The following MYBPC2 variants were observed in gnomAD, a reference collection of about 807,000 sequenced individuals.
MYBPC2 encodes the protein myosin-binding protein C, fast-type.
In MYBPC2, 122 loss-of-function variants were observed where a neutral mutation model predicts 137.0. That is an observed-to-expected ratio of 0.89 (90% CI 0.77 to 1.03). MYBPC2 has a LOEUF of 1.03. MYBPC2 is among the 50% of genes least tolerant of loss of function. MYBPC2 has a pLI of 0.00. For synonymous variants in MYBPC2, 626 were observed against 612.3 expected (o/e 1.02, Z -0.33); for missense variants, 1,500 against 1,534.4 (o/e 0.98, Z 0.37).
In MYBPC2 at chr19:50,435,335, C is replaced by T. The variant is rs1270276036; in HGVS notation, c.109+85C>T. 1.4e-6 allele frequency: 1 copy of T among 699,204 alleles called. No individual in the cohort carries two copies. The highest frequency in any genetic ancestry group is 2.6e-6 in the Non-Finnish European group (1 of 381,662). 43.3% of individuals were successfully genotyped at this position (699,204 alleles called of 1,614,324 possible). A position where few individuals can be genotyped will look rare whatever the true frequency, so the allele number is the denominator to read the frequency against. On this transcript the variant is annotated intron_variant, in intron 2 of 27. Transcript: ENST00000357701. This position sits in a 1 kb window ranked among gnomAD's most constrained non-coding sequence, Gnocchi z 4.8. The stretch of plus-strand genomic sequence containing the variant: ...ACGCCTCTCCAGGCCTTTCCCCAGC[C>T]TCTATCCTTGAATCTGTCCCCGCAC...
At position 50,435,513 on chromosome 19, in the gene MYBPC2, G is replaced by A. The variant is rs905879123; in HGVS notation, c.109+263G>A. On this transcript the variant is annotated intron_variant, in intron 2 of 27. Transcript: ENST00000357701. This position sits in a 1 kb window ranked among gnomAD's most constrained non-coding sequence, Gnocchi z 4.8. The stretch of plus-strand genomic sequence containing the variant: ...GCCCCGGTCTCTCTAAACCTCTCCC[G>A]CCCCAAAGGCACATTCAGTGCCCTC... Among the ~76,000 whole-genome samples the A allele has an allele frequency of 2.6e-5, 4 of 152,086 alleles. No homozygotes were observed. The highest frequency in any genetic ancestry group is 2.1e-4 in the South Asian group (1 of 4,816).
intron 20 of MYBPC2, among the ~76,000 whole-genome samples, chr19:50,457,618 C>G (rs892740873): frequency 5.9e-5 from 9 of 152,090 alleles, no homozygotes; most frequent in African/African-American, 1.9e-4. Context: ...CTTGAGAGAT[C>G]CTCCTGCCTT....
At chr19:50,434,518 C>T (rs572864136) in intron 1 of MYBPC2, among the ~76,000 whole-genome samples, 8 of 152,316 alleles carry the variant, frequency 5.3e-5, no homozygotes, top group Non-Finnish European at 1.2e-4. Context: ...GGCACTGAGG[C>T]TTCCCCGTGT....
At chr19:50,453,471 C>G (rs2039879067) in intron 16 of MYBPC2, among the ~76,000 whole-genome samples, 1 of 152,106 alleles carries the variant, frequency 6.6e-6, no homozygotes. Context: ...TGCACAGGGA[C>G]CAGCCTTGCA....
chr19:50,447,018 C>T (rs2039812215), intron 12 of MYBPC2, among the ~76,000 whole-genome samples: 1 of 151,538 alleles, frequency 6.6e-6, no homozygotes, highest in South Asian at 2.1e-4. Flanking sequence ...TGAAACCAAC[C>T]ACAGCCCCCC....
rs201601026 is a variant in MYBPC2, at chr19:50,454,060, G to A, written c.1790G>A (p.Arg597Gln). The A allele has an allele frequency of 6.3e-5, 102 of 1,609,142 alleles. 2 individuals carry two copies. The highest frequency in any genetic ancestry group is 5.8e-4 in the South Asian group (52 of 90,038). ...TTEGRTRIEK[R>Q]VDCSSFVIES... is the part of the protein sequence containing the mutation. ...GAGGGCAGGACCCGCATCGAGAAGC[G>A]GGTGGACTGCAGCAGCTTTGTGATT... is the stretch of plus-strand genomic sequence containing the variant. The change falls in exon 17 of 28, where the codon CGG becomes CAG. Residue 597 changes from arginine (R) to glutamine (Q), a missense_variant. Transcript: ENST00000357701.
At chr19:50,433,803 C>A (rs534497664) in intron 1 of MYBPC2, among the ~76,000 whole-genome samples, 295 of 149,228 alleles carry the variant, frequency 2.0e-3, no homozygotes, top group African/African-American at 6.9e-3. Flanking sequence ...GAGCCAGGTG[C>A]AGGGGCTCAC....
Position 50,452,002 on chromosome 19 carries a change from A to G in MYBPC2, c.1748A>G (p.Glu583Gly). The G allele has an allele frequency of 6.4e-7, 1 of 1,552,068 alleles. No homozygotes were observed. The highest frequency in any genetic ancestry group is 8.7e-7 in the Non-Finnish European group (1 of 1,147,078). ...GTCGCTACCTGGCTGAAGGGAGATG[A>G]GGTGGGTTGGGGCCGCCCCTCTGTC... Reference protein sequence around the residue: ...PPVATWLKGDEVFTTTEGRTR... With the variant: ...PPVATWLKGDGVFTTTEGRTR... Residue 583 changes from glutamate to glycine, a missense_variant and splice_region_variant, in exon 16 of 28, where the codon GAG becomes GGG. Coordinates refer to ENST00000357701, the MANE Select transcript of MYBPC2 (RefSeq NM_004533.4).
intron 26 of MYBPC2, among the ~76,000 whole-genome samples, chr19:50,463,925 C>T (rs558297950): frequency 3.1e-5 from 4 of 127,570 alleles, no homozygotes; most frequent in East Asian, 2.3e-4. Flanking sequence ...GGAGACAAAG[C>T]GAGATTCTGT....
At position 50,435,790 on chromosome 19, in the gene MYBPC2, G is replaced by A. The variant is rs1203133182; in HGVS notation, c.124G>A (p.Asp42Asn). ...AEAPKEAPPE[D>N]QSPTAEEPTG... ...CCCCTGAACAGAAGCCCCACCCGAGGACCAGTCCCCGACTGCAGAGGAGCC... is the reference window on the plus strand; with the variant it reads ...CCCCTGAACAGAAGCCCCACCCGAGAACCAGTCCCCGACTGCAGAGGAGCC... Residue 42 changes from aspartate to asparagine, a missense_variant, in exon 3 of 28, where the codon GAC becomes AAC. Asp to Asn is a conservative substitution (Grantham distance 23). Transcript: ENST00000357701. The surrounding 1 kb of genome is among the most constrained non-coding windows in gnomAD (Gnocchi z 4.8). 8 of 1,610,354 alleles carry A rather than the reference G, an allele frequency of 5.0e-6. No individual in the cohort carries two copies. In the Admixed American group the frequency reaches 5.0e-5, roughly 10 times the overall value.
chr19:50,450,935 G>T lies in MYBPC2; in HGVS notation c.1579G>T (p.Glu527Ter). ...GCTCTCGGCCAAGCTCAACTTCCTG[G>T]GTGAGGATGCCCCTTCCTCCTTCCC... ...LSLSAKLNFL[E>*]IKVEYVPKQE... The change falls in exon 14 of 28, where the codon GAA becomes TAA. Residue 527 changes from glutamate to a stop codon, truncating the protein, a stop_gained and splice_region_variant. Coordinates refer to ENST00000357701, the MANE Select transcript of MYBPC2 (RefSeq NM_004533.4). LOFTEE classifies it high-confidence loss of function. The T allele has an allele frequency of 6.4e-7, 1 of 1,560,986 alleles. No individual in the cohort carries two copies. The highest frequency in any genetic ancestry group is 8.7e-7 in the Non-Finnish European group (1 of 1,152,622).
chr19:50,449,320 G>A (rs971579726), intron 13 of MYBPC2, among the ~76,000 whole-genome samples: 4 of 152,194 alleles, frequency 2.6e-5, no homozygotes, highest in African/African-American at 7.2e-5. Context: ...CGTGGGCACT[G>A]TCAGGACCTC....
rs371496229 is a variant in MYBPC2 at position 50,454,093 on chromosome 19, C to T, written c.1823C>T (p.Ala608Val). Residue 608 changes from alanine (A) to valine (V), a missense_variant, in exon 17 of 28, where the codon GCG (alanine) becomes GTG (valine). Ala to Val is a moderately conservative substitution (Grantham distance 64, BLOSUM62 0). Coordinates refer to ENST00000357701, the MANE Select transcript of MYBPC2 (RefSeq NM_004533.4). ...VDCSSFVIES[A>V]QREDEGRYTI... is the part of the protein sequence containing the mutation. The stretch of plus-strand genomic sequence containing the variant: ...TGCAGCAGCTTTGTGATTGAGAGTG[C>T]GCAGCGGGAAGACGAGGGCCGCTAC... 1.6e-5 allele frequency: 25 copies of T among 1,611,592 alleles called. No homozygotes were observed. Among genetic ancestry groups the T allele is most frequent in the East Asian group, 6.7e-5 (3 of 44,790 alleles).
chr19:50,466,222 G>A lies in MYBPC2; in HGVS notation c.*17G>A. On this transcript the variant is annotated 3_prime_UTR_variant, in exon 28 of 28. Transcript: ENST00000357701. The surrounding 1 kb of genome is among the most constrained non-coding windows in gnomAD (Gnocchi z 4.9). ...CCGCAGTGAGACCTGTCCCCTACCT[G>A]CCAAGACAATTGGTGGTGGAGTCCT... The A allele has an allele frequency of 9.9e-6, 16 of 1,613,844 alleles. No homozygotes were observed. Among genetic ancestry groups the A allele is most frequent in the Non-Finnish European group, 1.4e-5 (16 of 1,179,850 alleles).
rs1003703892 is a variant in MYBPC2, at chr19:50,441,743, G to A, written c.770-438G>A. On this transcript the variant is annotated intron_variant, in intron 8 of 27. Transcript: ENST00000357701. ...TAATCCCAGCAACTTGGGAGGCTGA[G>A]GCAGGAGAATCGCTTAAGCCAGGGA... Among the ~76,000 whole-genome samples, 3 of 152,068 alleles carry A rather than the reference G, an allele frequency of 2.0e-5. No individual in the cohort carries two copies. The South Asian group carries it at 6.2e-4, about 32-fold the overall frequency.
intron 20 of MYBPC2, among the ~76,000 whole-genome samples, chr19:50,456,303 T>C (rs1015546444): frequency 1.3e-5 from 2 of 150,582 alleles, no homozygotes; most frequent in African/African-American, 4.9e-5. Flanking sequence ...CATCCATCCA[T>C]CCATCCATCC....
At chr19:50,460,399 G>A (rs570931880) in intron 24 of MYBPC2, among the ~76,000 whole-genome samples, 12 of 152,136 alleles carry the variant, frequency 7.9e-5, no homozygotes, top group Non-Finnish European at 1.8e-4. Flanking sequence ...GTCATTCATC[G>A]TTTTAAAGCG....
chr19:50,451,816 G>A, intron 15 of MYBPC2, 48 bp from the exon 16 acceptor site: 1 of 1,564,400 alleles, frequency 6.4e-7, no homozygotes, highest in Admixed American at 1.9e-5. Flanking sequence ...AACTGGGAAG[G>A]CCCAGCCTCC....
At chr19:50,451,701 G>A (rs898226599) in intron 15 of MYBPC2, among the ~76,000 whole-genome samples, 163 bp from the exon 16 acceptor site, 3 of 149,754 alleles carry the variant, frequency 2.0e-5, no homozygotes, top group African/African-American at 7.4e-5. Context: ...GGGAGGAGGG[G>A]TTGGGGGCCT....
Sources: gnomAD v4.1 joint callset for allele counts (sites outside exome capture counted in the v4.1 genomes callset) on GRCh38, gnomAD v4.1.1 for gene constraint, Gnocchi (gnomAD v3.1) non-coding constraint, MANE v1.5 for transcripts, NCBI Gene and HGNC (gene_info 2026-07-23, HGNC 2026-07-21) for gene names.